KCNMB2: variants seen among roughly 807,000 people sequenced by gnomAD.
KCNMB2 encodes calcium-activated potassium channel subunit beta-2.
Under a neutral mutation model 24.5 loss-of-function variants are expected in KCNMB2, and 9 were observed. The observed-to-expected ratio is 0.37, with a 90% confidence interval of 0.22 to 0.64. KCNMB2 has a LOEUF of 0.64. Ranked by LOEUF, KCNMB2 falls within the 30% of genes least tolerant of loss-of-function variation. The pLI is 0.63. For missense variants in KCNMB2, 226 were observed against 284.3 expected (o/e 0.79, Z 1.47); for synonymous variants, 109 against 104.4 (o/e 1.04, Z -0.27).
At chr3:178,712,573 G>A (rs916546341) in intron 1 of KCNMB2, among the ~76,000 whole-genome samples, 5 of 152,186 alleles carry the variant, frequency 3.3e-5, no homozygotes, top group African/African-American at 9.7e-5. Context: ...CTGTATGTGA[G>A]GCACTGCAAT....
At chr3:178,742,658 C>T (rs1486454760) in intron 1 of KCNMB2, among the ~76,000 whole-genome samples, 1 of 152,122 alleles carries the variant, frequency 6.6e-6, no homozygotes, top group East Asian at 1.9e-4. Context: ...TGCACAGCAA[C>T]AAGGCAGTCA....
intron 1 of KCNMB2, among the ~76,000 whole-genome samples, chr3:178,802,994 GTAAAC>G (rs1249163410): frequency 1.3e-5 from 2 of 152,118 alleles, no homozygotes; most frequent in Non-Finnish European, 2.9e-5. Context: ...TGAAAAAAGA[GTAAAC>G]TATTGGTTAG....
intron 1 of KCNMB2, among the ~76,000 whole-genome samples, chr3:178,577,059 C>T (rs572128164): frequency 5.3e-5 from 8 of 152,234 alleles, no homozygotes; most frequent in Non-Finnish European, 1.0e-4. Flanking sequence ...GAGACACCTC[C>T]CAGCAGGTTG....
At chr3:178,558,245 C>G (rs1716192351) in intron 1 of KCNMB2, among the ~76,000 whole-genome samples, 1 of 152,166 alleles carries the variant, frequency 6.6e-6, no homozygotes, top group African/African-American at 2.4e-5. Context: ...TTGCCACACT[C>G]AATACATTGT....
At chr3:178,632,311 T>C (rs1011888136) in intron 1 of KCNMB2, among the ~76,000 whole-genome samples, 1 of 152,146 alleles carries the variant, frequency 6.6e-6, no homozygotes, top group African/African-American at 2.4e-5. Context: ...CTAAGACCCA[T>C]GGTGTATTAG....
chr3:178,613,631 T>A lies in KCNMB2; in HGVS notation c.-68+76920T>A, dbSNP rs755754250. On this transcript the variant is annotated intron_variant, in intron 1 of 4. Coordinates refer to ENST00000452583, the MANE Select transcript of KCNMB2 (RefSeq NM_181361.3). ...TACTCAAGGGTAAAGTTCAGCAGTT[T>A]AAATATGTCATGCCACTCTCTCCTG... Among the ~76,000 whole-genome samples, 312 of 152,326 alleles carry A rather than the reference T, an allele frequency of 2.0e-3. 1 individual carries two copies. Among genetic ancestry groups the A allele is most frequent in the Middle Eastern group, 3.4e-3 (1 of 294 alleles).
chr3:178,538,819 A>C (rs972389504), intron 1 of KCNMB2, among the ~76,000 whole-genome samples: 4 of 152,188 alleles, frequency 2.6e-5, no homozygotes, highest in African/African-American at 9.6e-5. Flanking sequence ...CAAACCAAGT[A>C]ATTTAGTCAA....
At chr3:178,603,932 C>T (rs995760418) in intron 1 of KCNMB2, among the ~76,000 whole-genome samples, 12 of 152,136 alleles carry the variant, frequency 7.9e-5, no homozygotes, top group African/African-American at 2.9e-4. Flanking sequence ...TGACACAGTT[C>T]AAAGCCCTGG....
At chr3:178,725,156 CT>C (rs1237530005) in intron 1 of KCNMB2, among the ~76,000 whole-genome samples, 2 of 151,944 alleles carry the variant, frequency 1.3e-5, no homozygotes, top group Non-Finnish European at 2.9e-5. Flanking sequence ...GCATGGAATG[CT>C]TCTCCACTTG....
intron 1 of KCNMB2, among the ~76,000 whole-genome samples, chr3:178,786,838 A>C (rs920003621): frequency 6.8e-6 from 1 of 146,738 alleles, no homozygotes. Context: ...GCAATTTTTC[A>C]AAAAAAAAAA....
At chr3:178,771,963 T>C (rs1157923783) in intron 1 of KCNMB2, among the ~76,000 whole-genome samples, 1 of 152,142 alleles carries the variant, frequency 6.6e-6, no homozygotes, top group African/African-American at 2.4e-5. Flanking sequence ...CCTTACCTCA[T>C]TGCTAAATTT....
chr3:178,640,071 G>T (rs1719668945), intron 1 of KCNMB2, among the ~76,000 whole-genome samples: 1 of 151,784 alleles, frequency 6.6e-6, no homozygotes, highest in African/African-American at 2.4e-5. Context: ...AAAAAAAAAT[G>T]CCATGAAATA....
intron 1 of KCNMB2, among the ~76,000 whole-genome samples, chr3:178,570,515 C>CTTTTTTTTTTTTTT (rs200106452): frequency 4.4e-5 from 5 of 114,596 alleles, no homozygotes; most frequent in African/African-American, 1.5e-4. Context: ...GTAATGATAC[C>CTTTTTTTTTTTTTT]TTTTTTTTTT....
intron 4 of KCNMB2, among the ~76,000 whole-genome samples, chr3:178,829,632 T>A (rs1304543351): frequency 1.3e-5 from 2 of 152,182 alleles, no homozygotes; most frequent in African/African-American, 4.8e-5. Flanking sequence ...TTCCCTTAAG[T>A]CAGATCTTAA....
intron 1 of KCNMB2, among the ~76,000 whole-genome samples, chr3:178,623,950 T>C (rs1719010880): frequency 6.6e-6 from 1 of 152,154 alleles, no homozygotes; most frequent in South Asian, 2.1e-4. Flanking sequence ...AGGTCCCAGG[T>C]CATAGGATAC....
In KCNMB2 at chr3:178,603,153, A is replaced by G. The variant is rs947825416; in HGVS notation, c.-68+66442A>G. 3.3e-5 allele frequency among the ~76,000 whole-genome samples: 5 copies of G among 152,268 alleles called. 1 individual carries two copies. The highest frequency in any genetic ancestry group is 6.5e-5 in the Admixed American group (1 of 15,296). On this transcript the variant is annotated intron_variant, in intron 1 of 4. Coordinates refer to ENST00000452583, the MANE Select transcript of KCNMB2 (RefSeq NM_181361.3). ...ATGTTACTCCCTGGGGCAGGGAAAAAATGAGGAAGAGATGGGACAGAAAAA... is the reference window on the plus strand; with the variant it reads ...ATGTTACTCCCTGGGGCAGGGAAAAGATGAGGAAGAGATGGGACAGAAAAA...
intron 1 of KCNMB2, among the ~76,000 whole-genome samples, chr3:178,604,668 T>C (rs891964227): frequency 1.3e-5 from 2 of 152,222 alleles, no homozygotes; most frequent in East Asian, 3.8e-4. Context: ...AAATCTCATT[T>C]TCACCAATAC....
chr3:178,582,729 G>A (rs1717262581), intron 1 of KCNMB2, among the ~76,000 whole-genome samples: 1 of 151,900 alleles, frequency 6.6e-6, no homozygotes, highest in African/African-American at 2.4e-5. Flanking sequence ...TTATTTTTCT[G>A]TATCTATTGT....
intron 1 of KCNMB2, among the ~76,000 whole-genome samples, chr3:178,597,643 A>T (rs1268317894): frequency 1.3e-5 from 2 of 152,188 alleles, no homozygotes; most frequent in Non-Finnish European, 2.9e-5. Context: ...ATCATTCACC[A>T]TGAACTGCAT....
Sources: gnomAD v4.1 joint callset for allele counts (sites outside exome capture counted in the v4.1 genomes callset) on GRCh38, gnomAD v4.1.1 for gene constraint, MANE v1.5 for transcripts, NCBI Gene and HGNC (gene_info 2026-07-23, HGNC 2026-07-21) for gene names.